CNTN5: variants seen among roughly 807,000 people sequenced by gnomAD.
CNTN5 encodes contactin-5.
CNTN5 carries 77 observed loss-of-function variants against 129.1 expected under a neutral mutation model. The observed-to-expected ratio is 0.60, with a 90% CI of 0.50 to 0.72. The LOEUF is 0.72. Ranked by LOEUF, CNTN5 falls within the 30% of genes least tolerant of loss-of-function variation. The pLI is 0.00. For missense variants in CNTN5, 1,478 were observed against 1,328.8 expected (o/e 1.11, Z -1.75); for synonymous variants, 509 against 465.6 (o/e 1.09, Z -1.20).
At chr11:99,237,018 T>G (rs1861305046) in intron 1 of CNTN5, among the ~76,000 whole-genome samples, 1 of 152,160 alleles carries the variant, frequency 6.6e-6, no homozygotes, top group Non-Finnish European at 1.5e-5. Context: ...TATCACAATA[T>G]TTCTACTTGG....
intron 4 of CNTN5, among the ~76,000 whole-genome samples, chr11:99,821,639 A>G (rs942843318): frequency 6.6e-6 from 1 of 152,182 alleles, no homozygotes; most frequent in Non-Finnish European, 1.5e-5. Context: ...CAATAAAGGC[A>G]GATGAAACCC....
chr11:100,070,682 T>A, intron 11 of CNTN5, 122 bp downstream of exon 11: 1 of 788,536 alleles, frequency 1.3e-6, no homozygotes, highest in Non-Finnish European at 2.0e-6. Context: ...TAATAGGACA[T>A]GTTTGTGTTA....
chr11:99,841,269 A>C (rs538665598), intron 4 of CNTN5, among the ~76,000 whole-genome samples: 1 of 152,164 alleles, frequency 6.6e-6, no homozygotes, highest in Non-Finnish European at 1.5e-5. Context: ...ATATGTTCAG[A>C]TTAGTCCCTT....
intron 8 of CNTN5, among the ~76,000 whole-genome samples, chr11:99,981,343 G>A (rs920697593): frequency 6.6e-6 from 1 of 152,044 alleles, no homozygotes; most frequent in Middle Eastern, 3.4e-3. Flanking sequence ...GAGTCCGAAG[G>A]CCAGGAGGCC....
intron 8 of CNTN5, among the ~76,000 whole-genome samples, chr11:99,960,887 G>A (rs1213677098): frequency 6.6e-6 from 1 of 152,018 alleles, no homozygotes; most frequent in Admixed American, 6.6e-5. Flanking sequence ...AGAAGGTAGA[G>A]AGATAATAAG....
At chr11:99,499,757 A>G (rs139438846) in intron 2 of CNTN5, among the ~76,000 whole-genome samples, 2,446 of 152,280 alleles carry the variant, frequency 0.016, 100 homozygotes, top group Admixed American at 0.092. Context: ...GCTGACAATG[A>G]GATATTTATA....
intron 1 of CNTN5, among the ~76,000 whole-genome samples, chr11:99,235,370 T>C (rs1861212258): frequency 6.6e-6 from 1 of 152,128 alleles, no homozygotes; most frequent in Non-Finnish European, 1.5e-5. Context: ...TTGGGACCTA[T>C]TCATGAGCTT....
At chr11:99,163,879 T>C (rs191338072) in intron 1 of CNTN5, among the ~76,000 whole-genome samples, 1 of 152,314 alleles carries the variant, frequency 6.6e-6, no homozygotes, top group African/African-American at 2.4e-5. Flanking sequence ...ACATCTCTTA[T>C]TTGGAGGTGA....
chr11:99,437,463 A>C (rs1201516919), intron 2 of CNTN5, among the ~76,000 whole-genome samples: 1 of 152,254 alleles, frequency 6.6e-6, no homozygotes, highest in African/African-American at 2.4e-5. Flanking sequence ...CAATAGCAGA[A>C]AACACTTAAA....
chr11:99,180,435 T>C (rs1055681660), intron 1 of CNTN5, among the ~76,000 whole-genome samples: 3 of 152,142 alleles, frequency 2.0e-5, no homozygotes, highest in African/African-American at 7.2e-5. Flanking sequence ...ATGAGTTGTT[T>C]CGCATAAGGT....
Position 99,791,498 on chromosome 11 carries a change from C to T in CNTN5, c.56-28046C>T, listed in dbSNP as rs1945741450. Among the ~76,000 whole-genome samples the T allele has an allele frequency of 2.6e-5, 4 of 152,110 alleles. No individual in the cohort carries two copies. The South Asian group carries it at 8.3e-4, about 32-fold the overall frequency. On this transcript the variant is annotated intron_variant, in intron 3 of 24. Coordinates refer to ENST00000524871, the MANE Select transcript of CNTN5 (RefSeq NM_014361.4). ...GGTCTCTCTATTTTCTTCTATTCATCTATGTGTGTGTATTTATAACAGTAG... is the reference window on the plus strand; with the variant it reads ...GGTCTCTCTATTTTCTTCTATTCATTTATGTGTGTGTATTTATAACAGTAG...
chr11:99,241,436 A>G (rs1321520756), intron 1 of CNTN5, among the ~76,000 whole-genome samples: 1 of 148,744 alleles, frequency 6.7e-6, no homozygotes, highest in African/African-American at 2.5e-5. Context: ...CTGAAAATAT[A>G]TTCTTTCTTA....
intron 1 of CNTN5, among the ~76,000 whole-genome samples, chr11:99,254,273 G>C (rs1020042163): frequency 3.3e-5 from 5 of 151,760 alleles, no homozygotes; most frequent in African/African-American, 4.8e-5. Flanking sequence ...TAAAGACTTA[G>C]TTTAAAAAAA....
chr11:100,337,649 A>AT (rs1299617330), intron 21 of CNTN5: 1 of 668,554 alleles, frequency 1.5e-6, no homozygotes, highest in African/African-American at 1.8e-5. Flanking sequence ...GGTACCTGAG[A>AT]TTTTTTACAG....
intron 6 of CNTN5, among the ~76,000 whole-genome samples, chr11:99,857,086 C>T (rs1806284500): frequency 6.7e-6 from 1 of 150,056 alleles, no homozygotes; most frequent in South Asian, 2.2e-4. Flanking sequence ...CTTCCTCTCT[C>T]TCTGTCTCTG....
At chr11:99,816,905 C>T (rs927118022) in intron 3 of CNTN5, among the ~76,000 whole-genome samples, 1 of 152,068 alleles carries the variant, frequency 6.6e-6, no homozygotes, top group African/African-American at 2.4e-5. Flanking sequence ...TCTTCCCTGT[C>T]TAGAGTATCT....
At chr11:100,286,382 G>T (rs1448512737) in intron 18 of CNTN5, among the ~76,000 whole-genome samples, 1 of 151,498 alleles carries the variant, frequency 6.6e-6, no homozygotes, top group Non-Finnish European at 1.5e-5. Context: ...GAGAGCAGTG[G>T]TTCTCCCAGC....
chr11:99,526,571 G>A (rs1311093858), intron 2 of CNTN5, among the ~76,000 whole-genome samples: 2 of 152,194 alleles, frequency 1.3e-5, no homozygotes, highest in Non-Finnish European at 2.9e-5. Context: ...CTAGGTTGGA[G>A]CTGATCAACA....
intron 3 of CNTN5, among the ~76,000 whole-genome samples, chr11:99,623,527 C>T (rs1290144084): frequency 2.0e-5 from 3 of 151,938 alleles, no homozygotes; most frequent in Admixed American, 2.0e-4. Flanking sequence ...ATTACATTAG[C>T]ATATTTTGAC....
Sources: gnomAD v4.1 joint callset for allele counts (sites outside exome capture counted in the v4.1 genomes callset) on GRCh38, gnomAD v4.1.1 for gene constraint, MANE v1.5 for transcripts, NCBI Gene and HGNC (gene_info 2026-07-23, HGNC 2026-07-21) for gene names.